Variants in LLGL2 observed in about 807,000 individuals in gnomAD.
The protein encoded by LLGL2 is LLGL2, scribble cell polarity complex component.
Under a neutral mutation model 123.2 loss-of-function variants are expected in LLGL2, and 81 were observed. The observed-to-expected ratio is 0.66, with a 90% CI of 0.55 to 0.79. The LOEUF (loss-of-function observed/expected upper bound fraction) is 0.79, where lower values mean the gene tolerates loss of function less well. LLGL2 is among the 30% of genes least tolerant of loss of function. The probability of loss-of-function intolerance (pLI) is 0.00; values close to 1 mark genes in which losing one functional copy is unlikely to be tolerated. For synonymous variants in LLGL2, 577 were observed against 594.1 expected, an observed-to-expected ratio of 0.97 and a Z score of 0.42; for missense variants, 1,273 against 1,414.6, an observed-to-expected ratio of 0.90 and a Z score of 1.61.
In LLGL2 at chr17:75,554,302, C is replaced by CAAAAAAAAA. The variant is rs72439797; in HGVS notation, c.76-1734_76-1726dup. Among the ~76,000 whole-genome samples, 2 of 133,968 alleles carry CAAAAAAAAA rather than the reference C, an allele frequency of 1.5e-5. 1 individual carries two copies. Among genetic ancestry groups the CAAAAAAAAA allele is most frequent in the African/African-American group, 6.2e-5 (2 of 32,516 alleles). 87.9% of individuals were successfully genotyped at this position (133,968 alleles called of 152,430 possible). A position where few individuals can be genotyped will look rare whatever the true frequency, so the allele number is the denominator to read the frequency against. The stretch of plus-strand genomic sequence containing the variant: ...GGGTGACAAGAGCAAAACTCCGTCT[C>CAAAAAAAAA]AAAAAAAAAAAAAAAAAAGCCATTT... On this transcript the variant is annotated intron_variant, in intron 2 of 25. Transcript: ENST00000392550.
intron 19 of LLGL2, among the ~76,000 whole-genome samples, chr17:75,572,677 A>C (rs957612498): frequency 6.6e-6 from 1 of 151,260 alleles, no homozygotes; most frequent in Non-Finnish European, 1.5e-5. Flanking sequence ...AAAAAAAAAA[A>C]AAAACCAGCA....
chr17:75,554,364 C>T (rs11656570), intron 2 of LLGL2, among the ~76,000 whole-genome samples: 66,212 of 150,944 alleles, frequency 0.44, 16,604 homozygotes, highest in South Asian at 0.61. Flanking sequence ...GTAATCCCAG[C>T]GCTTTGGGAG....
intron 1 of LLGL2, among the ~76,000 whole-genome samples, chr17:75,529,654 A>T (rs1330249724): frequency 6.6e-6 from 1 of 151,912 alleles, no homozygotes; most frequent in African/African-American, 2.4e-5. Flanking sequence ...TGAGGTCAGG[A>T]GATCGAGACC....
chr17:75,531,933 A>G (rs1355051823), intron 1 of LLGL2, among the ~76,000 whole-genome samples: 1 of 152,084 alleles, frequency 6.6e-6, no homozygotes, highest in Non-Finnish European at 1.5e-5. Flanking sequence ...TCTACCCTTC[A>G]GGAATTCGGC....
At chr17:75,570,578 C>T in intron 16 of LLGL2, 80 bp downstream of exon 16, 1 of 1,483,928 alleles carries the variant, frequency 6.7e-7, no homozygotes, top group Admixed American at 2.2e-5. Flanking sequence ...CACACGGCCC[C>T]TGCTCCCCAG....
intron 17 of LLGL2, chr17:75,571,377 CTG>C: frequency 1.7e-6 from 1 of 580,610 alleles, no homozygotes; most frequent in South Asian, 2.2e-5. Context: ...GCTTGCTTCT[CTG>C]TAAATGAGGA....
At chr17:75,525,331 C>T (rs1041773088), upstream of LLGL2, among the ~76,000 whole-genome samples, 1 of 152,064 alleles carries the variant, frequency 6.6e-6, no homozygotes, top group Non-Finnish European at 1.5e-5. The surrounding 1 kb of genome is among the most constrained non-coding windows in gnomAD (Gnocchi z 4.8). Context: ...CCGGATCCGC[C>T]CCTCCCTCGG....
intron 6 of LLGL2, among the ~76,000 whole-genome samples, chr17:75,560,431 G>T (rs2055148942): frequency 6.6e-6 from 1 of 152,036 alleles, no homozygotes; most frequent in Non-Finnish European, 1.5e-5. Context: ...GTCGGCGGGG[G>T]GGCCCAAGTG....
At position 75,543,422 on chromosome 17, in the gene LLGL2, G is replaced by A. The variant is rs1271625806; in HGVS notation, c.-5G>A. 1.2e-6 allele frequency: 2 copies of A among 1,606,474 alleles called. No individual in the cohort carries two copies. Among genetic ancestry groups the A allele is most frequent in the Non-Finnish European group, 1.7e-6 (2 of 1,175,860 alleles). On this transcript the variant is annotated 5_prime_UTR_variant, in exon 2 of 26. Coordinates refer to ENST00000392550, the MANE Select transcript of LLGL2 (RefSeq NM_001031803.2). ...GTCTCCAGTGGGGGCTGCAGACTAA[G>A]CAAAATGAGGCGGTTCCTGAGGCCA...
rs1003737097 is a variant in LLGL2, at chr17:75,574,239, C to T, written c.2932C>T (p.Arg978Cys). 2.9e-5 allele frequency: 41 copies of T among 1,414,852 alleles called. No homozygotes were observed. In the East Asian group the frequency reaches 9.9e-4, roughly 34 times the overall value. 87.6% of individuals were successfully genotyped at this position (1,414,852 alleles called of 1,614,324 possible). ...GAAGCAGCCCGGCCTGGTGATGGAG[C>T]GCGCTCTGCTCAGTGATGAGAGTGA... ...EEKQPGLVME[R>C]ALLSDERVLK... The change falls in exon 23 of 26, where the codon CGC (arginine) becomes TGC (cysteine). Residue 978 changes from arginine (R) to cysteine (C), a missense_variant. Transcript: ENST00000392550.
rs563683783 is a variant in LLGL2, at chr17:75,531,298, C to T, written c.-31+5473C>T. 1.6e-4 allele frequency among the ~76,000 whole-genome samples: 24 copies of T among 152,292 alleles called. 1 individual carries two copies. In the South Asian group the frequency reaches 3.9e-3, roughly 25 times the overall value. On this transcript the variant is annotated intron_variant, in intron 1 of 25. Coordinates refer to ENST00000392550, the MANE Select transcript of LLGL2 (RefSeq NM_001031803.2). ...CCCTGCCCGCACTGTGGGAGATCTG[C>T]GCATCTCTGGCAAGAGCCTCCAGGA... is the stretch of plus-strand genomic sequence containing the variant.
Position 75,564,642 on chromosome 17 carries a change from C to T in LLGL2, c.1036+135C>T, listed in dbSNP as rs989813126. ...CTGTGGGAGGCCAAGGTGGTAGGATCGCTTGAACCCAGGAGTTCAAGTCCA... is the reference window on the plus strand; with the variant it reads ...CTGTGGGAGGCCAAGGTGGTAGGATTGCTTGAACCCAGGAGTTCAAGTCCA... On this transcript the variant is annotated intron_variant, in intron 10 of 25. Transcript: ENST00000392550. The surrounding 1 kb of genome is among the most constrained non-coding windows in gnomAD (Gnocchi z 4.9). 3.1e-5 allele frequency: 45 copies of T among 1,428,842 alleles called. No individual in the cohort carries two copies. In the Admixed American group the frequency reaches 4.9e-4, roughly 16 times the overall value. 88.5% of individuals were successfully genotyped at this position (1,428,842 alleles called of 1,614,324 possible).
chr17:75,545,119 C>CTGCCCCCT lies in LLGL2; in HGVS notation c.75+1622_75+1629dup, dbSNP rs1251611512. 3.3e-4 allele frequency among the ~76,000 whole-genome samples: 50 copies of CTGCCCCCT among 152,220 alleles called. 1 individual carries two copies. Among genetic ancestry groups the CTGCCCCCT allele is most frequent in the Middle Eastern group, 3.4e-3 (1 of 294 alleles). The stretch of plus-strand genomic sequence containing the variant: ...AATAGGGCTGAACACCCCCCTACCC[C>CTGCCCCCT]TGCCCCCTTGCACCAAGTTCTGTCT... On this transcript the variant is annotated intron_variant, in intron 2 of 25. Coordinates refer to ENST00000392550, the MANE Select transcript of LLGL2 (RefSeq NM_001031803.2).
intron 10 of LLGL2, among the ~76,000 whole-genome samples, chr17:75,567,255 G>A (rs943422311): frequency 2.6e-5 from 4 of 152,284 alleles, no homozygotes; most frequent in East Asian, 1.9e-4. Context: ...CCTGAGGTTA[G>A]GGGTTCGAGA....
At position 75,559,282 on chromosome 17, in the gene LLGL2, G is replaced by T; in HGVS notation, c.402G>T (p.Val134=). The change falls in exon 6 of 26, where the codon GTG becomes GTT. Residue 134 remains valine (V), a synonymous_variant. Coordinates refer to ENST00000392550, the MANE Select transcript of LLGL2 (RefSeq NM_001031803.2). This position sits in a 1 kb window ranked among gnomAD's most constrained non-coding sequence, Gnocchi z 4.6. ...GAAPSATQIT[V]VLPHSSCELL... ...CCCCCAGTGCCACACAGATCACCGT[G>T]GTCCTGCCACATTCCTCCTGCGAGC... is the stretch of plus-strand genomic sequence containing the variant. The T allele has an allele frequency of 6.2e-7, 1 of 1,612,286 alleles. No homozygotes were observed. The highest frequency in any genetic ancestry group is 1.1e-5 in the South Asian group (1 of 90,968).
chr17:75,569,995 G>T lies in LLGL2; in HGVS notation c.1614G>T (p.Ala538=). ...VLVLELNDEA[A]EQAVEQVEAD... ...TACTGGAACTGAATGACGAGGCAGCGGAGCAGGCTGTGGAGCAGGTGGAGG... is the reference window on the plus strand; with the variant it reads ...TACTGGAACTGAATGACGAGGCAGCTGAGCAGGCTGTGGAGCAGGTGGAGG... Residue 538 remains alanine, a synonymous_variant, in exon 15 of 26, where the codon GCG becomes GCT. Transcript: ENST00000392550. 6.2e-7 allele frequency: 1 copy of T among 1,607,462 alleles called. No homozygotes were observed. Among genetic ancestry groups the T allele is most frequent in the Non-Finnish European group, 8.5e-7 (1 of 1,176,262 alleles).
In LLGL2 at chr17:75,556,017, A is replaced by C. The variant is rs759432308; in HGVS notation, c.76-29A>C. The C allele has an allele frequency of 2.5e-6, 4 of 1,583,316 alleles. No homozygotes were observed. The African/African-American group carries it at 4.0e-5, about 16-fold the overall frequency. ...GGTGGCGCGAAGGGGACAGGTCTGC[A>C]GGCCCACCCCACGTGCTTCTCGTTG... On this transcript the variant is annotated intron_variant, in intron 2 of 25. Transcript: ENST00000392550.
chr17:75,572,071 C>T lies in LLGL2; in HGVS notation c.2460+7C>T, dbSNP rs761084556. 4 of 1,607,530 alleles carry T rather than the reference C, an allele frequency of 2.5e-6. No individual in the cohort carries two copies. The highest frequency in any genetic ancestry group is 3.4e-6 in the Non-Finnish European group (4 of 1,178,372). On this transcript the variant is annotated splice_region_variant and intron_variant, in intron 19 of 25. Coordinates refer to ENST00000392550, the MANE Select transcript of LLGL2 (RefSeq NM_001031803.2). ...ATCAGAGGAGCAGTTCAAGGTGCCA[C>T]ACGGGCAGCGGCGGGTCTCCCTGGG...
chr17:75,544,548 G>C lies in LLGL2; in HGVS notation c.75+1047G>C, dbSNP rs543455147. Among the ~76,000 whole-genome samples the C allele has an allele frequency of 6.6e-6, 1 of 152,370 alleles. No individual in the cohort carries two copies. The highest frequency in any genetic ancestry group is 6.5e-5 in the Admixed American group (1 of 15,302). Reference sequence around the variant, plus strand: ...TTTGCCACATAGAAGCTGGATGGCCGTGTGCCTGTCGCCCACACCATAGGC... The same window carrying C: ...TTTGCCACATAGAAGCTGGATGGCCCTGTGCCTGTCGCCCACACCATAGGC... On this transcript the variant is annotated intron_variant, in intron 2 of 25. Transcript: ENST00000392550. The surrounding 1 kb of genome is among the most constrained non-coding windows in gnomAD (Gnocchi z 4.2).
Sources: allele counts gnomAD v4.1 joint callset (sites outside exome capture counted in the v4.1 genomes callset), GRCh38; gene constraint gnomAD v4.1.1; non-coding constraint Gnocchi (gnomAD v3.1); transcripts MANE v1.5; gene names NCBI Gene and HGNC (gene_info 2026-07-23, HGNC 2026-07-21).